The following TNR variants were observed in gnomAD, a reference collection of about 807,000 sequenced individuals.
TNR encodes tenascin R.
Under a neutral mutation model 150.4 loss-of-function variants are expected in TNR, and 45 were observed. That is an observed-to-expected ratio of 0.30 (90% CI 0.24 to 0.38). The LOEUF (loss-of-function observed/expected upper bound fraction) is 0.38. Among genes scored for constraint, TNR ranks in the 10% least tolerant of loss-of-function variants. The probability of loss-of-function intolerance (pLI) is 1.00; values close to 1 mark genes in which losing one functional copy is unlikely to be tolerated. For synonymous variants in TNR, 687 were observed against 678.4 expected, an observed-to-expected ratio of 1.01 and a Z score of -0.20; for missense variants, 1,544 against 1,759.1, an observed-to-expected ratio of 0.88 and a Z score of 2.19.
At chr1:175,718,384 C>T (rs10913064) in intron 1 of TNR, among the ~76,000 whole-genome samples, 98,504 of 152,086 alleles carry the variant, frequency 0.65, 32,743 homozygotes, top group South Asian at 0.79. Context: ...TATCCTGACT[C>T]GCAGCACTCG....
At chr1:175,430,210 C>T (rs1022902357) in intron 2 of TNR, among the ~76,000 whole-genome samples, 1 of 152,106 alleles carries the variant, frequency 6.6e-6, no homozygotes, top group Non-Finnish European at 1.5e-5. Flanking sequence ...AACAAATTCT[C>T]AGCCAGCTTT....
At chr1:175,742,963 TACACACAC>T (rs66777686) in intron 1 of TNR, among the ~76,000 whole-genome samples, 8 of 147,814 alleles carry the variant, frequency 5.4e-5, no homozygotes, top group South Asian at 2.2e-4. Context: ...TATGCAACAG[TACACACAC>T]ACACACACAC....
intron 3 of TNR, 95 bp downstream of exon 3, chr1:175,406,121 G>C: frequency 6.7e-7 from 1 of 1,491,356 alleles, no homozygotes; most frequent in Non-Finnish European, 8.9e-7. Flanking sequence ...GTGCGTTTTC[G>C]CTGGAAGTGC....
chr1:175,655,116 C>T, intron 1 of TNR, among the ~76,000 whole-genome samples: 1 of 152,078 alleles, frequency 6.6e-6, no homozygotes, highest in Non-Finnish European at 1.5e-5. Context: ...CTTTATGGTG[C>T]ACTGGAATTG....
chr1:175,617,936 G>A (rs148222087), intron 1 of TNR, among the ~76,000 whole-genome samples: 8 of 152,216 alleles, frequency 5.3e-5, no homozygotes, highest in South Asian at 2.1e-4. Flanking sequence ...AAGATCATGC[G>A]GCCAGTAAAT....
intron 2 of TNR, among the ~76,000 whole-genome samples, chr1:175,460,364 T>C (rs1386679488): frequency 1.3e-5 from 2 of 151,908 alleles, no homozygotes; most frequent in Non-Finnish European, 2.9e-5. Flanking sequence ...TACAGAGACA[T>C]GCACGCAAGG....
At chr1:175,357,851 C>A (rs780285115) in intron 15 of TNR, among the ~76,000 whole-genome samples, 7 of 152,158 alleles carry the variant, frequency 4.6e-5, no homozygotes, top group Non-Finnish European at 7.4e-5. Context: ...ATTTTTGTTT[C>A]TGAATCCTTA....
intron 1 of TNR, among the ~76,000 whole-genome samples, chr1:175,618,387 T>C (rs917774978): frequency 1.3e-5 from 2 of 152,210 alleles, no homozygotes; most frequent in African/African-American, 4.8e-5. Flanking sequence ...GTAGCATCAA[T>C]GCAGACAGTA....
At chr1:175,696,006 A>G (rs1197842133) in intron 1 of TNR, among the ~76,000 whole-genome samples, 1 of 151,992 alleles carries the variant, frequency 6.6e-6, no homozygotes, top group Non-Finnish European at 1.5e-5. Context: ...GGATGGATGG[A>G]TGGATGGACA....
chr1:175,463,329 G>A (rs1452582527), intron 2 of TNR, among the ~76,000 whole-genome samples: 1 of 152,122 alleles, frequency 6.6e-6, no homozygotes, highest in East Asian at 1.9e-4. Flanking sequence ...TTATAAGTAT[G>A]CTTTTGCCAG....
intron 2 of TNR, among the ~76,000 whole-genome samples, chr1:175,408,951 G>T (rs1654080525): frequency 6.6e-6 from 1 of 152,192 alleles, no homozygotes; most frequent in Non-Finnish European, 1.5e-5. Context: ...TGTGGGAAAT[G>T]ATGATCTGTT....
intron 1 of TNR, among the ~76,000 whole-genome samples, chr1:175,551,522 G>T (rs1412277599): frequency 6.6e-6 from 1 of 152,206 alleles, no homozygotes; most frequent in Admixed American, 6.5e-5. Context: ...GTTTCAGAAG[G>T]CTGAGTGTTG....
chr1:175,497,708 A>G (rs1658546487), intron 2 of TNR, among the ~76,000 whole-genome samples: 1 of 152,148 alleles, frequency 6.6e-6, no homozygotes, highest in African/African-American at 2.4e-5. Context: ...CCTCATCGGT[A>G]CCATGAGTCG....
At position 175,649,552 on chromosome 1, in the gene TNR, G is replaced by A. The variant is rs141712870; in HGVS notation, c.-165+93674C>T. 1.9e-4 allele frequency among the ~76,000 whole-genome samples: 29 copies of A among 151,852 alleles called. No individual in the cohort carries two copies. In the East Asian group the frequency reaches 4.3e-3, roughly 22 times the overall value. On this transcript the variant is annotated intron_variant, in intron 1 of 22. Transcript: ENST00000367674. ...GAGCACAGTACTCGCACAGAGCCCG[G>A]CACAGAGCCCGGCACACAGAATGGG...
intron 2 of TNR, among the ~76,000 whole-genome samples, chr1:175,474,275 G>C (rs963036493): frequency 1.3e-5 from 2 of 152,108 alleles, no homozygotes; most frequent in Non-Finnish European, 2.9e-5. Flanking sequence ...CCTTTAAAGA[G>C]ATGACTAAGT....
intron 1 of TNR, among the ~76,000 whole-genome samples, chr1:175,658,457 A>G (rs920912859): frequency 1.3e-5 from 2 of 152,286 alleles, no homozygotes; most frequent in African/African-American, 4.8e-5. Context: ...GCTAAGGCCA[A>G]GAATGACCTG....
intron 6 of TNR, 75 bp downstream of exon 6, chr1:175,393,705 G>A: frequency 8.2e-7 from 1 of 1,221,892 alleles, no homozygotes; most frequent in Non-Finnish European, 1.2e-6. Context: ...CACTTTCCTT[G>A]CTGCCCCTGA....
Position 175,724,312 on chromosome 1 carries a change from C to A in TNR, c.-165+18914G>T, listed in dbSNP as rs181290055. Among the ~76,000 whole-genome samples the A allele has an allele frequency of 2.5e-3, 377 of 152,198 alleles. 2 individuals are homozygous for A. The highest frequency in any genetic ancestry group is 7.5e-3 in the African/African-American group (310 of 41,518). On this transcript the variant is annotated intron_variant, in intron 1 of 22. Coordinates refer to ENST00000367674, the MANE Select transcript of TNR (RefSeq NM_003285.3). ...AATCATGGCGGATGGCAAAGGGGAG[C>A]CAGTACTTTACATGGCCACAGCAAG...
At chr1:175,455,169 C>T (rs114995253) in intron 2 of TNR, among the ~76,000 whole-genome samples, 1,738 of 152,312 alleles carry the variant, frequency 0.011, 33 homozygotes, top group African/African-American at 0.038. Flanking sequence ...GGAAACAGAT[C>T]CTCCGGTCCC....
Sources: gnomAD v4.1 joint callset for allele counts (sites outside exome capture counted in the v4.1 genomes callset) on GRCh38, gnomAD v4.1.1 for gene constraint, MANE v1.5 for transcripts, NCBI Gene and HGNC (gene_info 2026-07-23, HGNC 2026-07-21) for gene names.